The following RPS6KA2 variants were observed in gnomAD, a reference collection of about 807,000 sequenced individuals.
RPS6KA2 encodes the protein ribosomal protein S6 kinase alpha-2.
A neutral mutation model predicts 91.8 loss-of-function variants in RPS6KA2; 42 were observed. The ratio of observed to expected loss-of-function variants is 0.46; its 90% CI spans 0.36 to 0.59. The LOEUF (loss-of-function observed/expected upper bound fraction) is 0.59. Among genes scored for constraint, RPS6KA2 ranks in the 20% least tolerant of loss-of-function variants. The probability of loss-of-function intolerance (pLI) is 0.00; values close to 1 mark genes in which losing one functional copy is unlikely to be tolerated. For missense variants in RPS6KA2, 798 were observed against 978.5 expected (o/e 0.82, Z 2.46); for synonymous variants, 414 against 393.6 (o/e 1.05, Z -0.61).
chr6:166,466,827 C>T (rs749070977), intron 11 of RPS6KA2, among the ~76,000 whole-genome samples: 8 of 152,022 alleles, frequency 5.3e-5, no homozygotes, highest in Non-Finnish European at 1.5e-5. Flanking sequence ...CACTCACTCC[C>T]TCACTCACTC....
At chr6:166,676,360 A>C (rs1788619452) in intron 2 of RPS6KA2, among the ~76,000 whole-genome samples, 1 of 150,292 alleles carries the variant, frequency 6.7e-6, no homozygotes, top group African/African-American at 2.4e-5. Flanking sequence ...CAGCCTGCAC[A>C]ACTGCCTTAT....
At chr6:166,611,599 A>C (rs987054684) in intron 1 of RPS6KA2, among the ~76,000 whole-genome samples, 2 of 152,268 alleles carry the variant, frequency 1.3e-5, no homozygotes, top group African/African-American at 4.8e-5. Flanking sequence ...AAACTGGCTT[A>C]AACAATGAAA....
intron 10 of RPS6KA2, among the ~76,000 whole-genome samples, chr6:166,483,202 C>T (rs763321187): frequency 2.6e-5 from 4 of 152,170 alleles, no homozygotes; most frequent in Non-Finnish European, 5.9e-5. Context: ...TGCATGCTGT[C>T]GGAGCTGGAA....
At chr6:166,668,893 TTTTC>T (rs1192700092) in intron 2 of RPS6KA2, among the ~76,000 whole-genome samples, 1 of 133,532 alleles carries the variant, frequency 7.5e-6, no homozygotes, top group East Asian at 2.4e-4. Flanking sequence ...CCTTTCTTTC[TTTTC>T]TTTTTTTTTT....
chr6:166,523,408 T>C (rs1782923304), intron 3 of RPS6KA2, among the ~76,000 whole-genome samples: 1 of 152,214 alleles, frequency 6.6e-6, no homozygotes, highest in African/African-American at 2.4e-5. Context: ...GTCTGTCATC[T>C]GGTGAGGATG....
intron 11 of RPS6KA2, chr6:166,460,779 C>T (rs1341191930): frequency 1.3e-5 from 2 of 152,274 alleles, no homozygotes; most frequent in Non-Finnish European, 2.9e-5. Context: ...GTCCTGGGCA[C>T]TTGTGTGTGA....
chr6:166,546,918 C>G (rs1266783948), intron 1 of RPS6KA2, among the ~76,000 whole-genome samples: 1 of 152,142 alleles, frequency 6.6e-6, no homozygotes, highest in Non-Finnish European at 1.5e-5. Flanking sequence ...GAACGCTGAG[C>G]TGGTGGGCTC....
At chr6:166,416,388 A>C (rs1338574688) in intron 19 of RPS6KA2, among the ~76,000 whole-genome samples, 2 of 148,446 alleles carry the variant, frequency 1.3e-5, no homozygotes, top group African/African-American at 5.0e-5. Context: ...CTCTGCCATT[A>C]CCCTCATTAG....
At chr6:166,460,031 A>C (rs552472685) in intron 11 of RPS6KA2, among the ~76,000 whole-genome samples, 5 of 152,130 alleles carry the variant, frequency 3.3e-5, no homozygotes, top group African/African-American at 1.2e-4. Context: ...CACTGCAAAA[A>C]CCGCCGACCC....
intron 2 of RPS6KA2, among the ~76,000 whole-genome samples, chr6:166,650,501 T>G (rs191613437): frequency 7.2e-4 from 110 of 152,142 alleles, no homozygotes; most frequent in African/African-American, 2.5e-3. Flanking sequence ...CACTTTAAGC[T>G]GGAGGAGAGA....
intron 2 of RPS6KA2, among the ~76,000 whole-genome samples, chr6:166,855,641 C>G (rs1391275665): frequency 6.6e-6 from 1 of 152,198 alleles, no homozygotes; most frequent in African/African-American, 2.4e-5. Flanking sequence ...AAGCCTGTCT[C>G]TAACAAAAGT....
intron 2 of RPS6KA2, among the ~76,000 whole-genome samples, chr6:166,642,602 C>A (rs1289405468): frequency 3.3e-5 from 5 of 152,170 alleles, no homozygotes; most frequent in African/African-American, 1.2e-4. Context: ...ATTGGTTAAG[C>A]ATACATGCTA....
intron 10 of RPS6KA2, among the ~76,000 whole-genome samples, chr6:166,486,889 C>G (rs1781431884): frequency 6.6e-6 from 1 of 152,228 alleles, no homozygotes; most frequent in Non-Finnish European, 1.5e-5. Context: ...CGCTAAACAG[C>G]CTCAATGCAT....
At chr6:166,651,499 G>A (rs1787854287) in intron 2 of RPS6KA2, among the ~76,000 whole-genome samples, 1 of 152,186 alleles carries the variant, frequency 6.6e-6, no homozygotes, top group South Asian at 2.1e-4. Flanking sequence ...TTAGCTTAAC[G>A]TTTTTCAGAA....
At chr6:166,663,487 G>A (rs181584132) in intron 2 of RPS6KA2, among the ~76,000 whole-genome samples, 202 of 152,344 alleles carry the variant, frequency 1.3e-3, no homozygotes, top group African/African-American at 4.4e-3. Context: ...GAGTTCTTCA[G>A]GGAAGATGCT....
intron 15 of RPS6KA2, 124 bp from the exon 16 acceptor site, chr6:166,430,735 G>A: frequency 1.1e-6 from 1 of 923,758 alleles, no homozygotes. Context: ...TCCTATGGGA[G>A]TGCAAACAAG....
At chr6:166,692,048 T>C (rs1214873193) in intron 2 of RPS6KA2, among the ~76,000 whole-genome samples, 4 of 152,156 alleles carry the variant, frequency 2.6e-5, no homozygotes, top group Admixed American at 6.5e-5. Flanking sequence ...GCGTCCTGTG[T>C]TGGGGGAAAG....
At chr6:166,492,274 G>A (rs1781615222) in intron 8 of RPS6KA2, among the ~76,000 whole-genome samples, 1 of 152,128 alleles carries the variant, frequency 6.6e-6, no homozygotes, top group South Asian at 2.1e-4. Context: ...CAGACAGGCT[G>A]CAGGCAATCA....
At chr6:166,816,736 G>A (rs1297584438) in intron 2 of RPS6KA2, among the ~76,000 whole-genome samples, 2 of 152,200 alleles carry the variant, frequency 1.3e-5, no homozygotes, top group South Asian at 2.1e-4. Flanking sequence ...AAAAATTAGA[G>A]TCAAACTCAC....
Sources: gnomAD v4.1 joint callset for allele counts (sites outside exome capture counted in the v4.1 genomes callset) on GRCh38, gnomAD v4.1.1 for gene constraint, MANE v1.5 for transcripts, NCBI Gene and HGNC (gene_info 2026-07-23, HGNC 2026-07-21) for gene names.